The following MYO9A variants were observed in gnomAD, a reference collection of about 807,000 sequenced individuals.
MYO9A encodes the protein unconventional myosin-IXa.
Under a neutral mutation model 293.3 loss-of-function variants are expected in MYO9A, and 103 were observed. The observed-to-expected ratio is 0.35, with a 90% CI of 0.30 to 0.41. The LOEUF (loss-of-function observed/expected upper bound fraction) is 0.41. MYO9A is among the 10% of genes least tolerant of loss of function. The pLI, the probability that MYO9A is intolerant of heterozygous loss-of-function variation, is 1.00. For synonymous variants in MYO9A, 1,001 were observed against 1,035.7 expected (o/e 0.97, Z 0.64); for missense variants, 2,685 against 3,033.0 (o/e 0.89, Z 2.69).
chr15:71,968,056 G>A lies in MYO9A; in HGVS notation c.1914C>T (p.Ile638=), dbSNP rs766558185. ...CAGGCTCCATCACGGCTGGAAATTC[G>A]ATGTAAGAATTATCTTCATGTTGAT... ...FKHQHEDNSY[I]EFPAVMEPAF... The change falls in exon 13 of 42, where the codon ATC becomes ATT. Residue 638 remains isoleucine, a synonymous_variant. Coordinates refer to ENST00000356056, the MANE Select transcript of MYO9A (RefSeq NM_006901.4). The A allele has an allele frequency of 1.6e-5, 25 of 1,611,748 alleles. No homozygotes were observed. The highest frequency in any genetic ancestry group is 3.3e-5 in the Admixed American group (2 of 59,906).
intron 34 of MYO9A, among the ~76,000 whole-genome samples, chr15:71,855,307 T>C (rs944735984): frequency 3.3e-5 from 5 of 152,152 alleles, no homozygotes; most frequent in African/African-American, 1.2e-4. Context: ...AGCTAATGTT[T>C]GTAGTTTTAG....
chr15:71,924,146 A>G (rs1164485875), intron 18 of MYO9A, among the ~76,000 whole-genome samples: 2 of 152,180 alleles, frequency 1.3e-5, no homozygotes, highest in East Asian at 3.9e-4. Context: ...ATTTGCATAT[A>G]GTTTCTAAAG....
At chr15:72,114,409 G>T (rs745902857) in intron 1 of MYO9A, 2 of 152,218 alleles carry the variant, frequency 1.3e-5, no homozygotes, top group Admixed American at 6.5e-5. Flanking sequence ...AATAAGGAAT[G>T]ACCTGAAATA....
rs12916951 is a variant in MYO9A at position 71,960,157 on chromosome 15, C to T, written c.1987-61G>A. 318,157 of 1,437,272 alleles carry T rather than the reference C, an allele frequency of 0.22. 36,325 individuals carry two copies. The highest frequency in any genetic ancestry group is 0.38 in the East Asian group (16,711 of 43,642). 89.0% of individuals were successfully genotyped at this position (1,437,272 alleles called of 1,614,324 possible). ...AAAAAAATTATGAAAAACAAGATGA[C>T]GGGTGATAACATACTTTGGATGCTT... On this transcript the variant is annotated intron_variant, in intron 13 of 41. Coordinates refer to ENST00000356056, the MANE Select transcript of MYO9A (RefSeq NM_006901.4).
rs2080333649 is a variant in MYO9A, at chr15:72,101,682, G to A, written c.-72+15998C>T. Among the ~76,000 whole-genome samples, 13 of 138,556 alleles carry A rather than the reference G, an allele frequency of 9.4e-5. 1 individual carries two copies. Among genetic ancestry groups the A allele is most frequent in the Admixed American group, 9.3e-4 (13 of 13,988 alleles). 90.9% of individuals were successfully genotyped at this position (138,556 alleles called of 152,430 possible). A position where few individuals can be genotyped will look rare whatever the true frequency, so the allele number is the denominator to read the frequency against. On this transcript the variant is annotated intron_variant, in intron 1 of 41. Coordinates refer to ENST00000356056, the MANE Select transcript of MYO9A (RefSeq NM_006901.4). ...GCCCGGCCAGCCGCCCCGTCTGGGA[G>A]GGAGGTGGGGGGGGTCAGCCCCCCG... is the stretch of plus-strand genomic sequence containing the variant.
Position 72,046,287 on chromosome 15 carries a change from C to G in MYO9A, c.277G>C (p.Ala93Pro), listed in dbSNP as rs1394426101. Residue 93 changes from alanine (A) to proline (P), a missense_variant, in exon 2 of 42, where the codon GCT becomes CCT. Ala to Pro is a conservative substitution (Grantham distance 27). Coordinates refer to ENST00000356056, the MANE Select transcript of MYO9A (RefSeq NM_006901.4). Reference sequence around the variant, plus strand: ...TCTCCACTTAAGCGATTTTCCAGAGCCATTCGGGGCCACAGCATCATTCGC... The same window carrying G: ...TCTCCACTTAAGCGATTTTCCAGAGGCATTCGGGGCCACAGCATCATTCGC... ...VQRMMLWPRM[A>P]LENRLSGEDY... 2 of 1,614,096 alleles carry G rather than the reference C, an allele frequency of 1.2e-6. No homozygotes were observed. Among genetic ancestry groups the G allele is most frequent in the South Asian group, 2.2e-5 (2 of 91,086 alleles).
chr15:72,111,438 G>A (rs1379516230), intron 1 of MYO9A, among the ~76,000 whole-genome samples: 3 of 150,752 alleles, frequency 2.0e-5, no homozygotes, highest in South Asian at 2.1e-4. Context: ...GCAGTGAGCC[G>A]AGATTGCGCC....
intron 40 of MYO9A, 57 bp from the exon 41 acceptor site, chr15:71,828,083 CA>C: frequency 6.5e-7 from 1 of 1,549,096 alleles, no homozygotes; most frequent in Non-Finnish European, 8.7e-7. Context: ...AGGAAGATAA[CA>C]GAAAAAAAGA....
chr15:72,078,716 GA>G (rs2079446518), intron 1 of MYO9A, among the ~76,000 whole-genome samples: 1 of 152,140 alleles, frequency 6.6e-6, no homozygotes, highest in Admixed American at 6.5e-5. Context: ...ATGATTGTCA[GA>G]AATTGAAAGC....
At chr15:71,884,051 A>G (rs1667247657) in intron 27 of MYO9A, among the ~76,000 whole-genome samples, 1 of 152,084 alleles carries the variant, frequency 6.6e-6, no homozygotes, top group South Asian at 2.1e-4. Flanking sequence ...TGGAGCTAGA[A>G]TTCTAACTCA....
At chr15:71,851,399 C>T (rs748953036) in intron 36 of MYO9A, 41 bp from the exon 37 acceptor site, 1 of 1,477,416 alleles carries the variant, frequency 6.8e-7, no homozygotes, top group Admixed American at 1.7e-5. Context: ...AAATATCCCC[C>T]CTTATACAGT....
Position 72,053,683 on chromosome 15 carries a change from A to T in MYO9A, c.-71-7049T>A, listed in dbSNP as rs114835133. On this transcript the variant is annotated intron_variant, in intron 1 of 41. Transcript: ENST00000356056. ...AAGGGTGGAAGGAAGGCGAGGATCG[A>T]AAAACTACCTATCGGGTACTGCTGT... 9.7e-3 allele frequency among the ~76,000 whole-genome samples: 1,476 copies of T among 152,332 alleles called. 23 individuals carry two copies. Among genetic ancestry groups the T allele is most frequent in the African/African-American group, 0.033 (1,390 of 41,556 alleles).
chr15:71,945,260 A>G (rs143316051), intron 15 of MYO9A, among the ~76,000 whole-genome samples: 22 of 152,324 alleles, frequency 1.4e-4, no homozygotes, highest in African/African-American at 5.3e-4. Context: ...GGTCACTCAC[A>G]TAGTTGGTGA....
At chr15:71,955,452 G>C (rs1240865912) in intron 14 of MYO9A, among the ~76,000 whole-genome samples, 1 of 152,136 alleles carries the variant, frequency 6.6e-6, no homozygotes, top group Non-Finnish European at 1.5e-5. Flanking sequence ...TTAAACTAAA[G>C]AAATAACACA....
At chr15:71,936,866 T>G (rs778140215) in intron 16 of MYO9A, among the ~76,000 whole-genome samples, 1 of 151,922 alleles carries the variant, frequency 6.6e-6, no homozygotes, top group Admixed American at 6.6e-5. Flanking sequence ...AGAATCATAC[T>G]GCACTTAAGA....
At chr15:71,922,166 A>G (rs1269241392) in intron 18 of MYO9A, among the ~76,000 whole-genome samples, 3 of 152,180 alleles carry the variant, frequency 2.0e-5, no homozygotes, top group African/African-American at 7.2e-5. Flanking sequence ...TTTAGTAGAC[A>G]CAGGGTTTCA....
chr15:71,948,751 ACT>A (rs1567306091), intron 15 of MYO9A, among the ~76,000 whole-genome samples: 1 of 152,068 alleles, frequency 6.6e-6, no homozygotes, highest in Non-Finnish European at 1.5e-5. Context: ...AAATTCCCAG[ACT>A]CTGTTAGTCT....
intron 38 of MYO9A, 86 bp from the exon 39 acceptor site, chr15:71,849,054 T>C: frequency 3.1e-6 from 4 of 1,309,896 alleles, no homozygotes; most frequent in Non-Finnish European, 3.0e-6. Context: ...TGGTAGACAG[T>C]TGAAAGATGA....
chr15:71,854,256 G>A, intron 35 of MYO9A, 121 bp downstream of exon 35: 1 of 815,538 alleles, frequency 1.2e-6, no homozygotes, highest in South Asian at 3.7e-5. Flanking sequence ...AAGCATCACA[G>A]AAAAGAATGC....
Sources: gnomAD v4.1 joint callset for allele counts (sites outside exome capture counted in the v4.1 genomes callset) on GRCh38, gnomAD v4.1.1 for gene constraint, MANE v1.5 for transcripts, NCBI Gene and HGNC (gene_info 2026-07-23, HGNC 2026-07-21) for gene names.